The following AMPH variants were observed in gnomAD, a reference collection of about 807,000 sequenced individuals.
AMPH encodes amphiphysin.
In AMPH, 49 loss-of-function variants were observed where a neutral mutation model predicts 99.1. That is an observed-to-expected ratio of 0.49 (90% CI 0.39 to 0.63). The LOEUF (loss-of-function observed/expected upper bound fraction) is 0.63. Among genes scored for constraint, AMPH ranks in the 20% least tolerant of loss-of-function variants. The pLI, the probability that AMPH is intolerant of heterozygous loss-of-function variation, is 0.00. For synonymous variants in AMPH, 314 were observed against 317.3 expected (o/e 0.99, Z 0.11); for missense variants, 759 against 863.4 (o/e 0.88, Z 1.52).
chr7:38,472,610 T>C (rs1787925595), intron 7 of AMPH, among the ~76,000 whole-genome samples: 2 of 152,312 alleles, frequency 1.3e-5, no homozygotes, highest in South Asian at 4.1e-4. Context: ...GTATACAGCA[T>C]ACACAATGCA....
In AMPH at chr7:38,628,753, C is replaced by T. The variant is rs145082057; in HGVS notation, c.69+2530G>A. 7.4e-3 allele frequency among the ~76,000 whole-genome samples: 1,128 copies of T among 152,266 alleles called. 14 individuals carry two copies. Among genetic ancestry groups the T allele is most frequent in the African/African-American group, 0.025 (1,035 of 41,558 alleles). On this transcript the variant is annotated intron_variant, in intron 1 of 20. Transcript: ENST00000356264. ...GTAGAATTATGTGCTTCGTAATTTG[C>T]TGGAGTTTTTTTCTGCTTATATGTA...
At chr7:38,420,796 C>G (rs1785555750) in intron 16 of AMPH, 1 of 345,758 alleles carries the variant, frequency 2.9e-6, no homozygotes, top group Non-Finnish European at 5.8e-6. Context: ...CAACCCTGAG[C>G]CCCGAGCAAG....
intron 1 of AMPH, among the ~76,000 whole-genome samples, chr7:38,566,146 C>T (rs527561548): frequency 2.0e-5 from 3 of 151,950 alleles, no homozygotes; most frequent in South Asian, 2.1e-4. Flanking sequence ...TATTTTCTAC[C>T]TATTTAGAGG....
intron 1 of AMPH, among the ~76,000 whole-genome samples, chr7:38,570,238 A>G (rs1367089357): frequency 6.6e-6 from 1 of 152,152 alleles, no homozygotes; most frequent in African/African-American, 2.4e-5. Context: ...AGCAATGCAG[A>G]CTTGATGGTG....
At chr7:38,509,230 T>A (rs1329172341) in intron 2 of AMPH, among the ~76,000 whole-genome samples, 1 of 152,182 alleles carries the variant, frequency 6.6e-6, no homozygotes, top group Non-Finnish European at 1.5e-5. Flanking sequence ...GAAATAAGAC[T>A]GGATATTTGC....
intron 7 of AMPH, among the ~76,000 whole-genome samples, chr7:38,466,715 T>C (rs1787670021): frequency 6.6e-6 from 1 of 152,202 alleles, no homozygotes; most frequent in Non-Finnish European, 1.5e-5. Context: ...TTATTAACTT[T>C]TATAAACTAT....
intron 1 of AMPH, among the ~76,000 whole-genome samples, chr7:38,566,334 C>T (rs1355190236): frequency 2.0e-5 from 3 of 151,722 alleles, no homozygotes; most frequent in Non-Finnish European, 4.4e-5. Flanking sequence ...GAGACAATCT[C>T]TCTGTGTTAC....
At position 38,436,404 on chromosome 7, in the gene AMPH, A is replaced by G. The variant is rs779414782; in HGVS notation, c.1018-16T>C. On this transcript the variant is annotated splice_polypyrimidine_tract_variant and intron_variant, in intron 11 of 20. Transcript: ENST00000356264. ...GGACTTCATTCTGTTAAAGCAAACA[A>G]CAAAACAAAATAAAACATGTATTAG... 1.5e-5 allele frequency: 24 copies of G among 1,583,928 alleles called. No individual in the cohort carries two copies. The South Asian group carries it at 2.5e-4, about 17-fold the overall frequency.
chr7:38,428,092 C>T (rs1785852392), intron 14 of AMPH: 1 of 456,654 alleles, frequency 2.2e-6, no homozygotes, highest in Non-Finnish European at 4.4e-6. Context: ...TGCTCAACTA[C>T]ATCTGAATGT....
chr7:38,430,499 C>T (rs559787941), intron 13 of AMPH, among the ~76,000 whole-genome samples: 2 of 152,320 alleles, frequency 1.3e-5, no homozygotes, highest in South Asian at 2.1e-4. Context: ...GCTACCATTC[C>T]TAGCAAGTTT....
intron 1 of AMPH, among the ~76,000 whole-genome samples, chr7:38,554,809 C>G (rs575651484): frequency 6.6e-6 from 1 of 152,338 alleles, no homozygotes; most frequent in Non-Finnish European, 1.5e-5. Flanking sequence ...GACAGCTGCA[C>G]TGGTGGGACC....
At chr7:38,627,654 C>CAAA (rs34354956) in intron 1 of AMPH, among the ~76,000 whole-genome samples, 9 of 96,894 alleles carry the variant, frequency 9.3e-5, no homozygotes, top group East Asian at 3.6e-4. Flanking sequence ...GACTCTGTCT[C>CAAA]AAAAAAAAAA....
At chr7:38,456,317 G>A (rs1041825944) in intron 11 of AMPH, among the ~76,000 whole-genome samples, 3 of 152,142 alleles carry the variant, frequency 2.0e-5, no homozygotes, top group Non-Finnish European at 2.9e-5. Flanking sequence ...AGGGCAGTGT[G>A]GTGCCTCCTA....
chr7:38,399,067 C>T (rs78549720), intron 17 of AMPH, among the ~76,000 whole-genome samples: 8,830 of 152,114 alleles, frequency 0.058, 357 homozygotes, highest in East Asian at 0.19. Flanking sequence ...AGGAAAATAC[C>T]GAAATTAACA....
intron 13 of AMPH, among the ~76,000 whole-genome samples, chr7:38,431,572 T>TCAC: frequency 6.7e-6 from 1 of 149,514 alleles, no homozygotes; most frequent in African/African-American, 2.5e-5. Flanking sequence ...AGGAGAAGGG[T>TCAC]GTGAACCCGG....
rs1045844024 is a variant in AMPH, at chr7:38,420,651, G to C, written c.1272+1770C>G. Among the ~76,000 whole-genome samples the C allele has an allele frequency of 1.1e-4, 16 of 152,078 alleles. No individual in the cohort carries two copies. In the East Asian group the frequency reaches 2.1e-3, roughly 20 times the overall value. On this transcript the variant is annotated intron_variant, in intron 16 of 20. Coordinates refer to ENST00000356264, the MANE Select transcript of AMPH (RefSeq NM_001635.4). ...TATCCTTTGTGATAAGATGAAAGGC[G>C]GGTCAATACAGAGGAAGAGGAGATG...
intron 5 of AMPH, among the ~76,000 whole-genome samples, chr7:38,489,464 G>T (rs1562787339): frequency 6.6e-6 from 1 of 152,022 alleles, no homozygotes; most frequent in Non-Finnish European, 1.5e-5. Flanking sequence ...ATTGGTGTTA[G>T]CAATGATTTC....
intron 17 of AMPH, among the ~76,000 whole-genome samples, chr7:38,407,048 C>CTCTATA (rs1241166935): frequency 9.6e-5 from 3 of 31,260 alleles, no homozygotes; most frequent in Admixed American, 4.1e-4. Flanking sequence ...CTCTCTCTCT[C>CTCTATA]TATATATATA....
chr7:38,530,459 GATGCTAGA>G (rs1251396783), intron 2 of AMPH, among the ~76,000 whole-genome samples: 2 of 152,228 alleles, frequency 1.3e-5, no homozygotes, highest in African/African-American at 4.8e-5. Context: ...AGCCTATGGA[GATGCTAGA>G]AGGAGAACCA....
Sources: allele counts gnomAD v4.1 joint callset (sites outside exome capture counted in the v4.1 genomes callset), GRCh38; gene constraint gnomAD v4.1.1; transcripts MANE v1.5; gene names NCBI Gene and HGNC (gene_info 2026-07-23, HGNC 2026-07-21).